PPP1R16B: variants seen among roughly 807,000 people sequenced by gnomAD.
The protein encoded by PPP1R16B is protein phosphatase 1 regulatory inhibitor subunit 16B.
A neutral mutation model predicts 61.7 loss-of-function variants in PPP1R16B; 14 were observed. The ratio of observed to expected loss-of-function variants is 0.23; its 90% CI spans 0.15 to 0.35. The LOEUF is 0.35. Ranked by LOEUF, PPP1R16B falls within the 10% of genes least tolerant of loss-of-function variation. The pLI is 1.00. For missense variants in PPP1R16B, 547 were observed against 752.5 expected (o/e 0.73, Z 3.19); for synonymous variants, 266 against 305.3 (o/e 0.87, Z 1.34).
intron 2 of PPP1R16B, among the ~76,000 whole-genome samples, chr20:38,868,873 T>G (rs865864644): frequency 6.6e-6 from 1 of 152,250 alleles, no homozygotes; most frequent in African/African-American, 2.4e-5. Context: ...AATTATAATA[T>G]TTTGGACATA....
chr20:38,816,260 A>G (rs2084734670), intron 1 of PPP1R16B, among the ~76,000 whole-genome samples: 1 of 152,174 alleles, frequency 6.6e-6, no homozygotes, highest in Non-Finnish European at 1.5e-5. Context: ...GGCACTGATT[A>G]CCGATCACTC....
intron 2 of PPP1R16B, among the ~76,000 whole-genome samples, chr20:38,863,765 G>A (rs1198669205): frequency 6.6e-6 from 1 of 152,154 alleles, no homozygotes; most frequent in Non-Finnish European, 1.5e-5. Flanking sequence ...TTTTCTGCTG[G>A]GGGGCCCAGA....
chr20:38,871,032 CT>C (rs1455287373), intron 2 of PPP1R16B, among the ~76,000 whole-genome samples: 1 of 152,184 alleles, frequency 6.6e-6, no homozygotes, highest in African/African-American at 2.4e-5. Context: ...CTGCATCTCC[CT>C]GACCCGTGTG....
chr20:38,909,361 C>T (rs1402634907), intron 10 of PPP1R16B, among the ~76,000 whole-genome samples: 1 of 152,154 alleles, frequency 6.6e-6, no homozygotes, highest in Admixed American at 6.5e-5. Context: ...TCCAGTATGA[C>T]CTAATCTTAA....
intron 1 of PPP1R16B, among the ~76,000 whole-genome samples, chr20:38,811,190 C>G (rs1328557966): frequency 6.6e-6 from 1 of 152,032 alleles, no homozygotes; most frequent in Non-Finnish European, 1.5e-5. Context: ...CACGGTGGCC[C>G]CAGGAAGGAA....
intron 5 of PPP1R16B, 134 bp downstream of exon 5, chr20:38,900,818 C>T (rs1365360416): frequency 3.3e-5 from 19 of 578,190 alleles, no homozygotes; most frequent in Non-Finnish European, 5.4e-5. Context: ...TAGGATGGGT[C>T]CCCATTCATA....
rs916424450 is a variant in PPP1R16B, at chr20:38,922,881, G to A, written c.*4215G>A. ...ACGTAGCCCCTTGCCACGCGGCACC[G>A]GTGGGCCTTGGGTCCAAAACTGTGG... is the stretch of plus-strand genomic sequence containing the variant. On this transcript the variant is annotated 3_prime_UTR_variant, in exon 11 of 11. Coordinates refer to ENST00000299824, the MANE Select transcript of PPP1R16B (RefSeq NM_015568.4). 1 of 152,382 alleles carries A rather than the reference G, an allele frequency of 6.6e-6. No individual in the cohort carries two copies. The highest frequency in any genetic ancestry group is 1.5e-5 in the Non-Finnish European group (1 of 68,042). 9.4% of individuals were successfully genotyped at this position (152,382 alleles called of 1,614,324 possible).
chr20:38,915,181 C>T (rs1025143514), intron 10 of PPP1R16B, among the ~76,000 whole-genome samples: 10 of 152,144 alleles, frequency 6.6e-5, no homozygotes, highest in Non-Finnish European at 1.2e-4. Context: ...TAGTTTACAT[C>T]GGGTTTGCTC....
At chr20:38,862,964 C>G (rs1255051581) in intron 2 of PPP1R16B, among the ~76,000 whole-genome samples, 1 of 152,182 alleles carries the variant, frequency 6.6e-6, no homozygotes, top group African/African-American at 2.4e-5. Context: ...ACATCCTGGT[C>G]TATATGAAGG....
At chr20:38,842,161 C>T (rs993279498) in intron 2 of PPP1R16B, among the ~76,000 whole-genome samples, 1 of 152,172 alleles carries the variant, frequency 6.6e-6, no homozygotes, top group African/African-American at 2.4e-5. Flanking sequence ...TCAGTTTCTC[C>T]GAAGCCCATG....
At chr20:38,871,154 C>T (rs1222993433) in intron 2 of PPP1R16B, among the ~76,000 whole-genome samples, 1 of 152,180 alleles carries the variant, frequency 6.6e-6, no homozygotes, top group Non-Finnish European at 1.5e-5. Context: ...CTCAAGCCCA[C>T]GCCCTGGCCA....
chr20:38,916,280 CAT>C (rs72250245), intron 10 of PPP1R16B, among the ~76,000 whole-genome samples: 47,277 of 145,434 alleles, frequency 0.33, 7,786 homozygotes, highest in Middle Eastern at 0.52. Context: ...CACATATTAC[CAT>C]ATATATATAT....
At chr20:38,894,133 C>T (rs1369424707) in intron 3 of PPP1R16B, among the ~76,000 whole-genome samples, 1 of 151,972 alleles carries the variant, frequency 6.6e-6, no homozygotes, top group Non-Finnish European at 1.5e-5. Flanking sequence ...CACCCCCGCC[C>T]CGCAAAGACC....
At chr20:38,832,433 G>T (rs1187606554) in intron 1 of PPP1R16B, among the ~76,000 whole-genome samples, 4 of 152,162 alleles carry the variant, frequency 2.6e-5, no homozygotes, top group African/African-American at 9.7e-5. Flanking sequence ...TAATGATATT[G>T]TGTGGTTGTG....
intron 4 of PPP1R16B, among the ~76,000 whole-genome samples, chr20:38,897,974 T>G (rs1336286014): frequency 1.3e-5 from 2 of 152,216 alleles, no homozygotes; most frequent in African/African-American, 4.8e-5. Context: ...ATTTTAGGAT[T>G]TCTCTATGTA....
At chr20:38,880,046 G>A (rs1257646813) in intron 2 of PPP1R16B, among the ~76,000 whole-genome samples, 1 of 152,140 alleles carries the variant, frequency 6.6e-6, no homozygotes. Context: ...TGAGGCTTGG[G>A]TAGAGGCCAG....
At chr20:38,846,324 G>A (rs1263751401) in intron 2 of PPP1R16B, among the ~76,000 whole-genome samples, 4 of 152,170 alleles carry the variant, frequency 2.6e-5, no homozygotes, top group Non-Finnish European at 5.9e-5. Context: ...AGGAAGCAAG[G>A]GTAGTTGGAG....
intron 2 of PPP1R16B, among the ~76,000 whole-genome samples, chr20:38,883,874 G>A (rs1311910909): frequency 6.6e-6 from 1 of 152,208 alleles, no homozygotes; most frequent in Non-Finnish European, 1.5e-5. Flanking sequence ...AGGGAGCACT[G>A]TTGTGATCCC....
intron 2 of PPP1R16B, among the ~76,000 whole-genome samples, chr20:38,840,184 C>T (rs1182026664): frequency 6.6e-6 from 1 of 152,232 alleles, no homozygotes; most frequent in South Asian, 2.1e-4. Context: ...TTTCAGCAGG[C>T]TGGGAACGGC....
Sources: allele counts gnomAD v4.1 joint callset (sites outside exome capture counted in the v4.1 genomes callset), GRCh38; gene constraint gnomAD v4.1.1; transcripts MANE v1.5; gene names NCBI Gene and HGNC (gene_info 2026-07-23, HGNC 2026-07-21).